Variants in NOL10 observed in about 807,000 individuals in gnomAD.
NOL10 encodes the protein H_NH0074G24.1.
In NOL10, 58 loss-of-function variants were observed where a neutral mutation model predicts 103.5. The ratio of observed to expected loss-of-function variants is 0.56; its 90% CI spans 0.45 to 0.70. The LOEUF (loss-of-function observed/expected upper bound fraction) is 0.70, where lower values mean the gene tolerates loss of function less well. Ranked by LOEUF, NOL10 falls within the 30% of genes least tolerant of loss-of-function variation. NOL10 has a pLI of 0.00. For missense variants in NOL10, 763 were observed against 807.3 expected, an observed-to-expected ratio of 0.95 and a Z score of 0.67; for synonymous variants, 287 against 282.5, an observed-to-expected ratio of 1.02 and a Z score of -0.16.
At chr2:10,685,568 G>A (rs996799045) in intron 1 of NOL10, among the ~76,000 whole-genome samples, 10 of 141,802 alleles carry the variant, frequency 7.1e-5, no homozygotes, top group Non-Finnish European at 1.4e-4. Context: ...TAAATTTAAC[G>A]GCATTAAAAA....
In NOL10 at chr2:10,682,080, A is replaced by AG; in HGVS notation, c.113-12dup. 1 of 1,330,378 alleles carries AG rather than the reference A, an allele frequency of 7.5e-7. No individual in the cohort carries two copies. Among genetic ancestry groups the AG allele is most frequent in the Non-Finnish European group, 1.0e-6 (1 of 984,574 alleles). The allele number at this position is 1,330,378 out of a possible 1,614,324, so 82.4% of individuals were successfully genotyped here. A position where few individuals can be genotyped will look rare whatever the true frequency, so the allele number is the denominator to read the frequency against. ...TTCTCCTACGGACATCTAAAAAGAG[A>AG]GAAAAAAACAACTAGTTTAACTAAC... On this transcript the variant is annotated splice_polypyrimidine_tract_variant and intron_variant, in intron 2 of 20. Transcript: ENST00000381685.
At chr2:10,595,988 T>C (rs768756044) in intron 17 of NOL10, among the ~76,000 whole-genome samples, 1 of 152,172 alleles carries the variant, frequency 6.6e-6, no homozygotes, top group Admixed American at 6.5e-5. Context: ...AAAATTTTAA[T>C]TGATACTAAA....
In NOL10 at chr2:10,689,819, T is replaced by C. The variant is rs1011200574; in HGVS notation, c.43A>G (p.Ser15Gly). The change falls in exon 1 of 21, where the codon AGC becomes GGC. Residue 15 changes from serine to glycine, a missense_variant. Physicochemically the swap from Ser to Gly is moderately conservative, Grantham distance 56 (BLOSUM62 0). Coordinates refer to ENST00000381685, the MANE Select transcript of NOL10 (RefSeq NM_024894.4). ...SLNEVKIYSL[S>G]CGKSLPEWLS... ...ACCTCAGGAAGGGACTTGCCGCAGCTGAGGCTGTAAATCTTCACCTCATTG... is the reference window on the plus strand; with the variant it reads ...ACCTCAGGAAGGGACTTGCCGCAGCCGAGGCTGTAAATCTTCACCTCATTG... The C allele has an allele frequency of 6.2e-7, 1 of 1,607,336 alleles. No homozygotes were observed. Among genetic ancestry groups the C allele is most frequent in the Non-Finnish European group, 8.5e-7 (1 of 1,177,186 alleles).
chr2:10,630,707 A>G (rs956433213), intron 13 of NOL10, among the ~76,000 whole-genome samples: 1 of 151,990 alleles, frequency 6.6e-6, no homozygotes, highest in East Asian at 1.9e-4. Flanking sequence ...AGAGCAAGAC[A>G]CTGTCTCAGG....
rs186858929 is a variant in NOL10, at chr2:10,685,567, C to T, written c.67-955G>A. ...AGAAAACTAACGAAAATAAATTTAA[C>T]GGCATTAAAAATACAACAAAAGCTG... On this transcript the variant is annotated intron_variant, in intron 1 of 20. Coordinates refer to ENST00000381685, the MANE Select transcript of NOL10 (RefSeq NM_024894.4). Among the ~76,000 whole-genome samples the T allele has an allele frequency of 4.0e-3, 561 of 140,208 alleles. 3 individuals are homozygous for T. Among genetic ancestry groups the T allele is most frequent in the South Asian group, 6.5e-3 (29 of 4,490 alleles). The allele number at this position is 140,208 out of a possible 152,430, so 92.0% of individuals were successfully genotyped here.
intron 17 of NOL10, 57 bp downstream of exon 17, chr2:10,600,796 A>G: frequency 1.8e-6 from 2 of 1,101,468 alleles, no homozygotes; most frequent in Non-Finnish European, 2.7e-6. Context: ...AATAAAAAAG[A>G]TGTAAGTTAC....
chr2:10,688,719 G>A (rs1426737641), intron 1 of NOL10, among the ~76,000 whole-genome samples: 1 of 152,164 alleles, frequency 6.6e-6, no homozygotes, highest in Non-Finnish European at 1.5e-5. Context: ...AACCTTATCT[G>A]AAATGTCCAC....
At chr2:10,687,862 A>G (rs1427138505) in intron 1 of NOL10, among the ~76,000 whole-genome samples, 1 of 152,186 alleles carries the variant, frequency 6.6e-6, no homozygotes, top group Non-Finnish European at 1.5e-5. Context: ...CTGAGGCAGG[A>G]GAATCGCTTG....
chr2:10,624,717 A>G (rs77223963), intron 13 of NOL10, among the ~76,000 whole-genome samples: 1,897 of 152,256 alleles, frequency 0.012, 23 homozygotes, highest in Non-Finnish European at 0.02. Flanking sequence ...CCATCTGGCA[A>G]TTTCTCAAAA....
chr2:10,623,444 C>A (rs779131920), intron 13 of NOL10, among the ~76,000 whole-genome samples: 5 of 152,142 alleles, frequency 3.3e-5, no homozygotes, highest in African/African-American at 1.2e-4. Context: ...AATTCCTGAA[C>A]GTCCTTCGAA....
chr2:10,602,577 C>A (rs75647759), intron 16 of NOL10, among the ~76,000 whole-genome samples, 199 bp downstream of exon 16: 3 of 152,044 alleles, frequency 2.0e-5, no homozygotes, highest in Admixed American at 6.6e-5. Context: ...GGTCATAATG[C>A]GAAAATTGTA....
At chr2:10,638,128 G>T (rs1317839581) in intron 13 of NOL10, among the ~76,000 whole-genome samples, 2 of 152,048 alleles carry the variant, frequency 1.3e-5, no homozygotes, top group Admixed American at 6.6e-5. Context: ...CAAAAAAACA[G>T]CATAAAAATT....
chr2:10,586,845 C>G (rs568727356), intron 19 of NOL10, among the ~76,000 whole-genome samples: 1 of 150,796 alleles, frequency 6.6e-6, no homozygotes, highest in Non-Finnish European at 1.5e-5. Context: ...ATAGAACATA[C>G]AAAATATGTG....
chr2:10,599,085 G>A (rs200216504), intron 17 of NOL10, among the ~76,000 whole-genome samples: 1 of 31,832 alleles, frequency 3.1e-5, no homozygotes, highest in Non-Finnish European at 6.3e-5. Context: ...ACAAAGAAAT[G>A]GGGGGAAGGG....
chr2:10,609,563 G>A (rs1676446110), intron 13 of NOL10, among the ~76,000 whole-genome samples: 1 of 152,020 alleles, frequency 6.6e-6, no homozygotes, highest in Non-Finnish European at 1.5e-5. Flanking sequence ...TCACGCCACT[G>A]CACTCCAGCC....
At chr2:10,639,776 G>A (rs1303982813) in intron 13 of NOL10, among the ~76,000 whole-genome samples, 1 of 152,110 alleles carries the variant, frequency 6.6e-6, no homozygotes, top group African/African-American at 2.4e-5. Flanking sequence ...TGAAGCTGCA[G>A]ACGAATTAGA....
intron 19 of NOL10, among the ~76,000 whole-genome samples, chr2:10,588,235 T>C (rs1307285939): frequency 1.3e-5 from 2 of 152,204 alleles, no homozygotes; most frequent in Non-Finnish European, 2.9e-5. Flanking sequence ...TAAATATTTA[T>C]AACATAAAAC....
intron 13 of NOL10, among the ~76,000 whole-genome samples, chr2:10,632,276 T>C (rs1000916993): frequency 2.6e-5 from 4 of 152,276 alleles, no homozygotes; most frequent in South Asian, 2.1e-4. Context: ...TGGGGAAATA[T>C]AGACGTAAAG....
chr2:10,673,447 C>T (rs2148346517), intron 5 of NOL10, 73 bp downstream of exon 5: 3 of 916,072 alleles, frequency 3.3e-6, no homozygotes, highest in Non-Finnish European at 4.7e-6. Flanking sequence ...TATAAAACTG[C>T]TTATCATTAA....
Sources: allele counts gnomAD v4.1 joint callset (sites outside exome capture counted in the v4.1 genomes callset), GRCh38; gene constraint gnomAD v4.1.1; transcripts MANE v1.5; gene names NCBI Gene and HGNC (gene_info 2026-07-23, HGNC 2026-07-21).